The following RANBP2 variants were observed in gnomAD, a reference collection of about 807,000 sequenced individuals.
RANBP2 encodes the protein E3 SUMO-protein ligase RanBP2.
A neutral mutation model predicts 303.6 loss-of-function variants in RANBP2; 57 were observed. That is an observed-to-expected ratio of 0.19 (90% CI 0.15 to 0.23). The LOEUF (loss-of-function observed/expected upper bound fraction) is 0.23, where lower values mean the gene tolerates loss of function less well. RANBP2 is among the 10% of genes least tolerant of loss of function. The pLI is 1.00. For synonymous variants in RANBP2, 1,167 were observed against 1,301.5 expected, an observed-to-expected ratio of 0.90 and a Z score of 2.23; for missense variants, 3,138 against 3,780.8, an observed-to-expected ratio of 0.83 and a Z score of 4.46.
the RANBP2 span, among the ~76,000 whole-genome samples, chr2:108,946,297 C>T: frequency 5.3e-5 from 8 of 152,328 alleles, no homozygotes; most frequent in South Asian, 2.1e-4. Context: ...GTGACAGTGA[C>T]GGGAGTAGCA....
At chr2:109,460,554 G>A in the RANBP2 span, among the ~76,000 whole-genome samples, 1 of 152,304 alleles carries the variant, frequency 6.6e-6, no homozygotes, top group Non-Finnish European at 1.5e-5. Flanking sequence ...GAGGAAAGAG[G>A]CTCAGTCATT....
At chr2:108,786,984 G>T, downstream of RANBP2, 1 of 1,127,462 alleles carries the variant, frequency 8.9e-7, no homozygotes, top group Non-Finnish European at 1.2e-6. Flanking sequence ...CGTGCCCCGC[G>T]CAGCCGGCCT....
At chr2:109,429,097 C>G in the RANBP2 span, among the ~76,000 whole-genome samples, 3 of 152,102 alleles carry the variant, frequency 2.0e-5, no homozygotes, top group Admixed American at 6.5e-5. Flanking sequence ...CGGCAGAGAC[C>G]CTGAGAGGTG....
At chr2:109,557,075 A>T in the RANBP2 span, among the ~76,000 whole-genome samples, 1 of 152,266 alleles carries the variant, frequency 6.6e-6, no homozygotes, top group South Asian at 2.1e-4. Flanking sequence ...AATGTAAATG[A>T]TGAGTTAATG....
chr2:108,813,830 T>C, the RANBP2 span, among the ~76,000 whole-genome samples: 1 of 152,238 alleles, frequency 6.6e-6, no homozygotes, highest in Non-Finnish European at 1.5e-5. Flanking sequence ...AAATTAGTTT[T>C]GCCTGTTTGA....
At chr2:108,878,534 G>A in the RANBP2 span, 1 of 213,778 alleles carries the variant, frequency 4.7e-6, no homozygotes. Context: ...ATATCAGACT[G>A]AAAATGTCAC....
chr2:109,514,362 G>A, the RANBP2 span, among the ~76,000 whole-genome samples: 748 of 152,220 alleles, frequency 4.9e-3, 7 homozygotes, highest in African/African-American at 0.017. Context: ...ACGCAGCCCC[G>A]GGTGTGCGAG....
chr2:109,372,075 T>C, the RANBP2 span, among the ~76,000 whole-genome samples: 1 of 152,224 alleles, frequency 6.6e-6, no homozygotes, highest in Non-Finnish European at 1.5e-5. Flanking sequence ...GGCAGCATTT[T>C]CCCTTCCCAC....
the RANBP2 span, among the ~76,000 whole-genome samples, chr2:109,658,342 G>A: frequency 1.3e-5 from 2 of 151,764 alleles, no homozygotes; most frequent in Admixed American, 1.3e-4. Context: ...AGCTACTCGA[G>A]AGGCTGAGGC....
At chr2:109,063,906 G>A in the RANBP2 span, among the ~76,000 whole-genome samples, 2 of 151,990 alleles carry the variant, frequency 1.3e-5, no homozygotes, top group Non-Finnish European at 2.9e-5. Context: ...GGCAATAATT[G>A]GTAGGTGTAA....
At chr2:109,260,061 T>A in the RANBP2 span, among the ~76,000 whole-genome samples, 1 of 152,316 alleles carries the variant, frequency 6.6e-6, no homozygotes, top group East Asian at 1.9e-4. Flanking sequence ...TTTGTGATGT[T>A]TATCTCAACC....
Position 108,766,226 on chromosome 2 carries a change from A to G in RANBP2, c.5687A>G (p.Asp1896Gly), listed in dbSNP as rs1417033742. 1 of 1,612,206 alleles carries G rather than the reference A, an allele frequency of 6.2e-7. No homozygotes were observed. The highest frequency in any genetic ancestry group is 8.5e-7 in the Non-Finnish European group (1 of 1,180,000). Residue 1896 changes from aspartate to glycine, a missense_variant, in exon 20 of 29, where the codon GAT (aspartate) becomes GGT (glycine). Asp to Gly is a moderately conservative substitution (Grantham distance 94). Around this residue, in one of 20 missense-constraint regions of RANBP2, gnomAD observed 348 missense variants for 360.4 expected, o/e 0.97. Coordinates refer to ENST00000283195, the MANE Select transcript of RANBP2 (RefSeq NM_006267.5). The stretch of plus-strand genomic sequence containing the variant: ...GGATTTTCCATCCCTGTGTCTGCTG[A>G]TGGATTTAAATTTGGCATTTCGGAA... ...KEGFSIPVSA[D>G]GFKFGISEPG... is the part of the protein sequence containing the mutation.
chr2:108,751,196 T>C (rs1429092866), intron 9 of RANBP2, 68 bp from the exon 10 acceptor site: 1 of 1,610,202 alleles, frequency 6.2e-7, no homozygotes, highest in African/African-American at 1.3e-5. Context: ...GAATTGTTTA[T>C]GTTGGCAAAA....
chr2:109,389,590 T>C, the RANBP2 span, among the ~76,000 whole-genome samples: 3 of 152,304 alleles, frequency 2.0e-5, no homozygotes, highest in South Asian at 6.2e-4. Flanking sequence ...ATCTCCAAGG[T>C]AGGGTGCATG....
chr2:109,129,360 ACGCAGGCCGG>A, the RANBP2 span: 1 of 377,902 alleles, frequency 2.6e-6, no homozygotes, highest in East Asian at 6.8e-5. Flanking sequence ...GGTCCCCGCC[ACGCAGGCCGG>A]TCGGTGAGCC....
At chr2:109,526,914 A>G in the RANBP2 span, among the ~76,000 whole-genome samples, 7,121 of 151,876 alleles carry the variant, frequency 0.047, 564 homozygotes, top group African/African-American at 0.16. Flanking sequence ...CACATGTTCG[A>G]CTCTAGCACG....
the RANBP2 span, among the ~76,000 whole-genome samples, chr2:109,641,226 T>C: frequency 0.79 from 120,063 of 152,004 alleles, 47,825 homozygotes; most frequent in Middle Eastern, 0.92. Context: ...GCAACCTCTG[T>C]CTCCCAGGTT....
the RANBP2 span, among the ~76,000 whole-genome samples, chr2:109,352,723 C>T: frequency 3.9e-5 from 6 of 152,180 alleles, no homozygotes; most frequent in Non-Finnish European, 7.3e-5. Context: ...CTCCTAGGCT[C>T]AGTGCACCTG....
chr2:109,604,596 G>T, the RANBP2 span, among the ~76,000 whole-genome samples: 12 of 151,440 alleles, frequency 7.9e-5, no homozygotes, highest in Admixed American at 2.6e-4. Context: ...GCATGGTGGC[G>T]GGTGCCTGTA....
Sources: gnomAD v4.1 joint callset for allele counts (sites outside exome capture counted in the v4.1 genomes callset) on GRCh38, gnomAD v4.1.1 for gene constraint, gnomAD v4.1.1 regional missense constraint, MANE v1.5 for transcripts, NCBI Gene and HGNC (gene_info 2026-07-23, HGNC 2026-07-21) for gene names.